Variants in DENND5B observed in about 807,000 individuals in gnomAD.
DENND5B encodes DENN domain-containing protein 5B.
DENND5B carries 34 observed loss-of-function variants against 140.6 expected under a neutral mutation model. The ratio of observed to expected loss-of-function variants is 0.24; its 90% CI spans 0.18 to 0.32. The LOEUF (loss-of-function observed/expected upper bound fraction) is 0.32, where lower values mean the gene tolerates loss of function less well. DENND5B is among the 10% of genes least tolerant of loss of function. The pLI is 1.00. For missense variants in DENND5B, 1,142 were observed against 1,560.2 expected (o/e 0.73, Z 4.52); for synonymous variants, 551 against 562.1 (o/e 0.98, Z 0.28).
chr12:31,568,289 T>C (rs896608689), intron 1 of DENND5B, among the ~76,000 whole-genome samples: 2 of 152,192 alleles, frequency 1.3e-5, no homozygotes, highest in Non-Finnish European at 2.9e-5. Context: ...AGAAATCTCA[T>C]TATGTATATG....
At chr12:31,497,666 T>C (rs1345526272) in intron 1 of DENND5B, among the ~76,000 whole-genome samples, 1 of 147,664 alleles carries the variant, frequency 6.8e-6, no homozygotes, top group Admixed American at 6.9e-5. Context: ...ATGTGGTGGC[T>C]CATGCCTGTA....
intron 5 of DENND5B, among the ~76,000 whole-genome samples, chr12:31,450,536 T>C (rs940369181): frequency 5.3e-5 from 8 of 152,036 alleles, no homozygotes; most frequent in African/African-American, 1.7e-4. Flanking sequence ...TTAAAATTTT[T>C]TGTAGAGATG....
chr12:31,582,785 A>C (rs1950249451), intron 1 of DENND5B, among the ~76,000 whole-genome samples: 1 of 152,208 alleles, frequency 6.6e-6, no homozygotes, highest in Non-Finnish European at 1.5e-5. Context: ...ACTTGACGAT[A>C]AGGTTACCCA....
intron 3 of DENND5B, among the ~76,000 whole-genome samples, chr12:31,463,101 A>G (rs1024731849): frequency 2.6e-5 from 4 of 152,168 alleles, no homozygotes; most frequent in Admixed American, 6.5e-5. Flanking sequence ...TGTCTCTAGT[A>G]AAAATATAAA....
chr12:31,453,916 A>G (rs990098558), intron 4 of DENND5B, among the ~76,000 whole-genome samples: 2 of 151,952 alleles, frequency 1.3e-5, no homozygotes, highest in Admixed American at 6.6e-5. Flanking sequence ...CTGAGGCGGG[A>G]GGATGACTTG....
chr12:31,475,841 G>A (rs1945781249), intron 3 of DENND5B, among the ~76,000 whole-genome samples: 1 of 151,978 alleles, frequency 6.6e-6, no homozygotes, highest in East Asian at 1.9e-4. Flanking sequence ...GAGGAGGTGT[G>A]GGCCGGGTGC....
intron 1 of DENND5B, among the ~76,000 whole-genome samples, chr12:31,519,734 G>C (rs1242665031): frequency 6.6e-6 from 1 of 152,128 alleles, no homozygotes; most frequent in Non-Finnish European, 1.5e-5. Flanking sequence ...TAAATGACTA[G>C]TAAATCAGTA....
intron 5 of DENND5B, 124 bp from the exon 6 acceptor site, chr12:31,447,893 A>T (rs1292189273): frequency 1.3e-6 from 1 of 745,476 alleles, no homozygotes; most frequent in Non-Finnish European, 2.1e-6. Context: ...GACACTTGAA[A>T]TTCAAAAATC....
chr12:31,474,223 T>C (rs1945688176), intron 3 of DENND5B, among the ~76,000 whole-genome samples: 2 of 152,222 alleles, frequency 1.3e-5, no homozygotes, highest in African/African-American at 2.4e-5. Flanking sequence ...ATTTCCACTA[T>C]GAAGAACCAA....
chr12:31,411,142 C>T (rs371826809), intron 13 of DENND5B, among the ~76,000 whole-genome samples: 1 of 151,538 alleles, frequency 6.6e-6, no homozygotes. Flanking sequence ...CAGGCTCAAG[C>T]GATTCTCCTG....
At chr12:31,391,488 G>A (rs1286279983) in intron 19 of DENND5B, among the ~76,000 whole-genome samples, 1 of 152,072 alleles carries the variant, frequency 6.6e-6, no homozygotes, top group Non-Finnish European at 1.5e-5. Context: ...TTTGTGTATT[G>A]TTTGTTTCCC....
At chr12:31,429,154 G>A (rs1056772978) in intron 8 of DENND5B, among the ~76,000 whole-genome samples, 3 of 150,590 alleles carry the variant, frequency 2.0e-5, no homozygotes, top group African/African-American at 7.3e-5. Flanking sequence ...TTACAGGCGT[G>A]AGCCACCACG....
chr12:31,489,858 T>C (rs1946457521), intron 2 of DENND5B, among the ~76,000 whole-genome samples: 2 of 152,164 alleles, frequency 1.3e-5, no homozygotes, highest in African/African-American at 4.8e-5. Flanking sequence ...CAGTGAAGTC[T>C]GAAGGAATAG....
At chr12:31,428,121 TAAA>T (rs1943330708) in intron 8 of DENND5B, among the ~76,000 whole-genome samples, 1 of 152,058 alleles carries the variant, frequency 6.6e-6, no homozygotes, top group Non-Finnish European at 1.5e-5. Flanking sequence ...TTGACCCTCT[TAAA>T]AATGTTTGAA....
chr12:31,523,060 CT>C (rs35765933), intron 1 of DENND5B, among the ~76,000 whole-genome samples: 2,709 of 139,230 alleles, frequency 0.019, 57 homozygotes, highest in African/African-American at 0.051. Flanking sequence ...TTTTTTTTTC[CT>C]TTTTTTTTTT....
At chr12:31,494,813 T>C (rs1374583733) in intron 2 of DENND5B, among the ~76,000 whole-genome samples, 2 of 152,198 alleles carry the variant, frequency 1.3e-5, no homozygotes, top group Admixed American at 6.5e-5. Flanking sequence ...AAGTAACCAA[T>C]GGAAAACCTC....
Position 31,387,531 on chromosome 12 carries a change from C to A in DENND5B, c.*72G>T. 1 of 1,522,114 alleles carries A rather than the reference C, an allele frequency of 6.6e-7. No individual in the cohort carries two copies. The highest frequency in any genetic ancestry group is 1.3e-5 in the South Asian group (1 of 78,912). The allele number at this position is 1,522,114 out of a possible 1,614,324, so 94.3% of individuals were successfully genotyped here. On this transcript the variant is annotated 3_prime_UTR_variant, in exon 21 of 21. Transcript: ENST00000389082. ...TGCCCCTGCAGTGACTCACTACTGT[C>A]AGACAAGTCCAAATCGGTCCCCTAG...
chr12:31,504,568 T>A (rs896421206), intron 1 of DENND5B, among the ~76,000 whole-genome samples: 5 of 152,144 alleles, frequency 3.3e-5, no homozygotes, highest in African/African-American at 1.2e-4. Flanking sequence ...TTCAGCCTGA[T>A]CATCATGGTT....
chr12:31,411,372 C>T (rs376625642), intron 13 of DENND5B, among the ~76,000 whole-genome samples: 6 of 132,694 alleles, frequency 4.5e-5, no homozygotes, highest in African/African-American at 1.7e-4. Context: ...GACAGAGTCT[C>T]GCTTTGTTAC....
Sources: gnomAD v4.1 joint callset for allele counts (sites outside exome capture counted in the v4.1 genomes callset) on GRCh38, gnomAD v4.1.1 for gene constraint, MANE v1.5 for transcripts, NCBI Gene and HGNC (gene_info 2026-07-23, HGNC 2026-07-21) for gene names.